The following CSMD1 variants were observed in gnomAD, a reference collection of about 807,000 sequenced individuals.
CSMD1 encodes the protein CUB and sushi domain-containing protein 1.
In CSMD1, 213 loss-of-function variants were observed where a neutral mutation model predicts 417.5. The observed-to-expected ratio is 0.51, with a 90% CI of 0.46 to 0.57. The LOEUF (loss-of-function observed/expected upper bound fraction) is 0.57. CSMD1 is among the 20% of genes least tolerant of loss of function. The pLI is 0.00. For synonymous variants in CSMD1, 2,862 were observed against 1,736.8 expected, an observed-to-expected ratio of 1.65 and a Z score of -16.11; for missense variants, 6,923 against 4,529.7, an observed-to-expected ratio of 1.53 and a Z score of -15.17.
intron 4 of CSMD1, among the ~76,000 whole-genome samples, chr8:3,999,845 T>G (rs1486593258): frequency 6.6e-6 from 1 of 152,296 alleles, no homozygotes; most frequent in Non-Finnish European, 1.5e-5. Context: ...AGTCTGTGAC[T>G]CCCATCCAAA....
chr8:4,017,110 C>G (rs1585138683), intron 4 of CSMD1, among the ~76,000 whole-genome samples: 1 of 152,190 alleles, frequency 6.6e-6, no homozygotes, highest in Non-Finnish European at 1.5e-5. Flanking sequence ...TTCAGCCAGC[C>G]TTGCTGGACG....
At chr8:4,188,617 G>A (rs895573763) in intron 3 of CSMD1, among the ~76,000 whole-genome samples, 1 of 152,114 alleles carries the variant, frequency 6.6e-6, no homozygotes, top group African/African-American at 2.4e-5. Flanking sequence ...GATTCTGTGA[G>A]TAAGATTCCC....
intron 5 of CSMD1, among the ~76,000 whole-genome samples, chr8:3,882,875 G>C (rs1270681772): frequency 1.3e-5 from 2 of 152,120 alleles, no homozygotes. Context: ...CCTGAGTTGG[G>C]ACTGACGATT....
intron 6 of CSMD1, among the ~76,000 whole-genome samples, chr8:3,712,696 A>C (rs913696819): frequency 6.6e-6 from 1 of 152,174 alleles, no homozygotes; most frequent in Non-Finnish European, 1.5e-5. Flanking sequence ...TCTAGTTTTC[A>C]TATGAGTTTC....
At chr8:3,240,452 GT>G (rs1437494858) in intron 26 of CSMD1, among the ~76,000 whole-genome samples, 1 of 151,924 alleles carries the variant, frequency 6.6e-6, no homozygotes, top group African/African-American at 2.4e-5. Context: ...AGGTGTTGGG[GT>G]TTGAGAGATC....
chr8:3,327,970 T>A (rs987402745), intron 23 of CSMD1, among the ~76,000 whole-genome samples: 26 of 151,966 alleles, frequency 1.7e-4, no homozygotes, highest in African/African-American at 6.0e-4. Flanking sequence ...CCAGAATGCA[T>A]CTCTGTGTAT....
chr8:4,136,321 T>A (rs1026748640), intron 3 of CSMD1, among the ~76,000 whole-genome samples: 2 of 152,178 alleles, frequency 1.3e-5, no homozygotes, highest in Non-Finnish European at 1.5e-5. Context: ...TTTATCACTA[T>A]CTTGATCTGT....
chr8:3,893,862 A>C (rs531072677), intron 5 of CSMD1, among the ~76,000 whole-genome samples: 2 of 152,226 alleles, frequency 1.3e-5, no homozygotes, highest in South Asian at 2.1e-4. Context: ...AATAGTAAAA[A>C]ACACACCCCT....
At chr8:3,659,059 G>A (rs955692198) in intron 7 of CSMD1, among the ~76,000 whole-genome samples, 1 of 152,128 alleles carries the variant, frequency 6.6e-6, no homozygotes, top group Non-Finnish European at 1.5e-5. Flanking sequence ...GCATCTACTT[G>A]AAATTAGTTC....
chr8:4,152,429 A>C (rs1379790035), intron 3 of CSMD1, among the ~76,000 whole-genome samples: 6 of 152,094 alleles, frequency 3.9e-5, no homozygotes, highest in Admixed American at 2.0e-4. Flanking sequence ...CTGTAATCCC[A>C]GCAATTTGGC....
At chr8:3,848,685 C>G (rs1254086744) in intron 5 of CSMD1, among the ~76,000 whole-genome samples, 2 of 152,048 alleles carry the variant, frequency 1.3e-5, no homozygotes, top group East Asian at 3.9e-4. Context: ...TATTATGCTC[C>G]TTGCACCATC....
chr8:3,228,878 G>A (rs868367022), intron 27 of CSMD1, among the ~76,000 whole-genome samples: 24 of 151,886 alleles, frequency 1.6e-4, no homozygotes, highest in Middle Eastern at 3.4e-3. Flanking sequence ...AAAGAAACAC[G>A]CCGAAATCTC....
At chr8:3,943,199 C>T (rs552889678) in intron 5 of CSMD1, among the ~76,000 whole-genome samples, 17 of 151,866 alleles carry the variant, frequency 1.1e-4, no homozygotes, top group African/African-American at 3.9e-4. Context: ...TCCTGGTGTT[C>T]GATTTTTATC....
chr8:3,598,761 T>G (rs911190497), intron 8 of CSMD1, among the ~76,000 whole-genome samples: 2 of 152,070 alleles, frequency 1.3e-5, no homozygotes, highest in African/African-American at 4.8e-5. Context: ...GCCCCTTCTT[T>G]TGAGAACAGC....
intron 50 of CSMD1, among the ~76,000 whole-genome samples, chr8:3,051,826 G>T (rs1177490151): frequency 6.6e-6 from 1 of 152,062 alleles, no homozygotes. Context: ...TATGTGAGTG[G>T]AACTATTCTT....
At position 3,029,599 on chromosome 8, in the gene CSMD1, A is replaced by C. The variant is rs577795893; in HGVS notation, c.7661-86T>G. Reference sequence around the variant, plus strand: ...TTGCTTTGGATGGCAAGGTCTTGCTATATGAAACTGATCTTGTTTGGCAAA... The same window carrying C: ...TTGCTTTGGATGGCAAGGTCTTGCTCTATGAAACTGATCTTGTTTGGCAAA... On this transcript the variant is annotated intron_variant, in intron 50 of 69. Transcript: ENST00000635120. The C allele has an allele frequency of 1.0e-5, 12 of 1,178,958 alleles. No individual in the cohort carries two copies. The South Asian group carries it at 1.7e-4, about 16-fold the overall frequency. 73.0% of individuals were successfully genotyped at this position (1,178,958 alleles called of 1,614,324 possible).
chr8:4,587,236 G>A lies in CSMD1; in HGVS notation c.302+50106C>T, dbSNP rs188746211. Among the ~76,000 whole-genome samples the A allele has an allele frequency of 1.2e-3, 177 of 152,154 alleles. 1 individual carries two copies. The highest frequency in any genetic ancestry group is 4.2e-3 in the African/African-American group (175 of 41,520). On this transcript the variant is annotated intron_variant, in intron 2 of 69. Coordinates refer to ENST00000635120, the MANE Select transcript of CSMD1 (RefSeq NM_033225.6). The stretch of plus-strand genomic sequence containing the variant: ...AAAAATGAGTTTTCTCCACTTGTCT[G>A]TTGTTTTACACTGAAATGAGTACTG...
At chr8:4,190,455 G>A (rs747163862) in intron 3 of CSMD1, among the ~76,000 whole-genome samples, 7 of 151,722 alleles carry the variant, frequency 4.6e-5, no homozygotes, top group Non-Finnish European at 8.8e-5. Flanking sequence ...AATAATCAGA[G>A]CCTAACACTA....
At chr8:4,493,482 G>C (rs555357519) in intron 2 of CSMD1, among the ~76,000 whole-genome samples, 10 of 152,106 alleles carry the variant, frequency 6.6e-5, no homozygotes, top group African/African-American at 2.4e-4. Context: ...GATTGCTTGA[G>C]TCCAGGAGTT....
Sources: allele counts gnomAD v4.1 joint callset (sites outside exome capture counted in the v4.1 genomes callset), GRCh38; gene constraint gnomAD v4.1.1; transcripts MANE v1.5; gene names NCBI Gene and HGNC (gene_info 2026-07-23, HGNC 2026-07-21).